The following HS2ST1 variants were observed in gnomAD, a reference collection of about 807,000 sequenced individuals.
The protein encoded by HS2ST1 is 2-O-sulfotransferase.
In HS2ST1, 18 loss-of-function variants were observed where a neutral mutation model predicts 42.9. The observed-to-expected ratio is 0.42, with a 90% confidence interval of 0.29 to 0.62. HS2ST1 has a LOEUF of 0.62. Ranked by LOEUF, HS2ST1 falls within the 20% of genes least tolerant of loss-of-function variation. The pLI, the probability that HS2ST1 is intolerant of heterozygous loss-of-function variation, is 0.21. For synonymous variants in HS2ST1, 146 were observed against 152.9 expected (o/e 0.95, Z 0.33); for missense variants, 334 against 433.8 (o/e 0.77, Z 2.04).
At chr1:87,022,487 A>AT (rs962933185) in intron 1 of HS2ST1, among the ~76,000 whole-genome samples, 4 of 152,208 alleles carry the variant, frequency 2.6e-5, no homozygotes, top group African/African-American at 9.6e-5. Flanking sequence ...GTGACACAAA[A>AT]TTTAAGACCC....
intron 2 of HS2ST1, among the ~76,000 whole-genome samples, chr1:87,081,670 AAAT>A (rs1421934198): frequency 6.6e-6 from 1 of 152,204 alleles, no homozygotes; most frequent in Non-Finnish European, 1.5e-5. Flanking sequence ...TGAATAGAAG[AAAT>A]AATGATGATC....
At position 87,021,583 on chromosome 1, in the gene HS2ST1, C is replaced by G. The variant is rs574897131; in HGVS notation, c.125-51351C>G. ...AGGGTGGAGTACAATGGCACAATCACTACTCACTACAACCTTGAGTTTCCG... is the reference window on the plus strand; with the variant it reads ...AGGGTGGAGTACAATGGCACAATCAGTACTCACTACAACCTTGAGTTTCCG... On this transcript the variant is annotated intron_variant, in intron 1 of 6. Transcript: ENST00000370550. Among the ~76,000 whole-genome samples the G allele has an allele frequency of 3.3e-5, 5 of 152,294 alleles. No homozygotes were observed. The East Asian group carries it at 9.7e-4, about 29-fold the overall frequency.
chr1:86,938,342 T>C (rs1346508653), intron 1 of HS2ST1, among the ~76,000 whole-genome samples: 1 of 152,156 alleles, frequency 6.6e-6, no homozygotes, highest in Non-Finnish European at 1.5e-5. Context: ...TTTCTAGACT[T>C]GATTAAAGTA....
At chr1:87,038,748 T>C (rs1046698465) in intron 1 of HS2ST1, among the ~76,000 whole-genome samples, 3 of 152,120 alleles carry the variant, frequency 2.0e-5, no homozygotes, top group Non-Finnish European at 2.9e-5. Context: ...ATACGTGAAG[T>C]GATCTCTGAA....
At chr1:87,063,537 C>T (rs1651169719) in intron 1 of HS2ST1, among the ~76,000 whole-genome samples, 1 of 151,988 alleles carries the variant, frequency 6.6e-6, no homozygotes, top group South Asian at 2.1e-4. Context: ...AGGTTTCACT[C>T]TGTTGGCCAG....
chr1:86,955,840 TACG>T (rs1389331620), intron 1 of HS2ST1, among the ~76,000 whole-genome samples: 1 of 151,840 alleles, frequency 6.6e-6, no homozygotes, highest in Non-Finnish European at 1.5e-5. Flanking sequence ...CAATAAATTA[TACG>T]TGCATGGGTG....
intron 1 of HS2ST1, among the ~76,000 whole-genome samples, chr1:86,960,008 G>C (rs995170150): frequency 6.6e-6 from 1 of 152,158 alleles, no homozygotes. Context: ...AACAAAGTCA[G>C]ACTGACACTA....
At chr1:87,075,094 C>G (rs1056430534) in intron 2 of HS2ST1, among the ~76,000 whole-genome samples, 1 of 149,174 alleles carries the variant, frequency 6.7e-6, no homozygotes, top group South Asian at 2.1e-4. Context: ...TGAACCCCAT[C>G]TGATATAACA....
intron 1 of HS2ST1, among the ~76,000 whole-genome samples, chr1:86,918,559 C>G (rs1032965518): frequency 2.0e-5 from 3 of 151,802 alleles, no homozygotes; most frequent in African/African-American, 7.3e-5. Flanking sequence ...AGGAAACATC[C>G]TTATGTGTCC....
At chr1:87,069,700 G>GA (rs1407488322) in intron 1 of HS2ST1, among the ~76,000 whole-genome samples, 1 of 152,006 alleles carries the variant, frequency 6.6e-6, no homozygotes, top group Non-Finnish European at 1.5e-5. Flanking sequence ...AAAAACACTT[G>GA]AAAAATAGAA....
intron 1 of HS2ST1, among the ~76,000 whole-genome samples, chr1:86,964,901 A>G (rs905250206): frequency 4.6e-5 from 7 of 152,136 alleles, no homozygotes; most frequent in Non-Finnish European, 1.0e-4. Flanking sequence ...GTGAAGACTG[A>G]TGATGTCCCG....
At chr1:86,916,231 G>A (rs1311224667) in intron 1 of HS2ST1, among the ~76,000 whole-genome samples, 1 of 152,162 alleles carries the variant, frequency 6.6e-6, no homozygotes, top group Non-Finnish European at 1.5e-5. Flanking sequence ...CAGCTCAAGA[G>A]GATGTAATTT....
rs146560561 is a variant in HS2ST1, at chr1:87,058,527, G to A, written c.125-14407G>A. Among the ~76,000 whole-genome samples the A allele has an allele frequency of 1.7e-3, 260 of 151,340 alleles. 13 individuals carry two copies. Among genetic ancestry groups the A allele is most frequent in the African/African-American group, 5.9e-3 (241 of 40,862 alleles). On this transcript the variant is annotated intron_variant, in intron 1 of 6. Coordinates refer to ENST00000370550, the MANE Select transcript of HS2ST1 (RefSeq NM_012262.4). ...TCTGGAGTACTCTAGCTTTTAACGTGTGCCTGAAATGACACATAATAGCCC... is the reference window on the plus strand; with the variant it reads ...TCTGGAGTACTCTAGCTTTTAACGTATGCCTGAAATGACACATAATAGCCC...
chr1:87,034,211 AATT>A (rs1557522348), intron 1 of HS2ST1, among the ~76,000 whole-genome samples: 2 of 152,214 alleles, frequency 1.3e-5, no homozygotes, highest in Non-Finnish European at 2.9e-5. Flanking sequence ...GGTCACAGTA[AATT>A]ATTATTTCAT....
chr1:86,962,145 C>T (rs565155826), intron 1 of HS2ST1, among the ~76,000 whole-genome samples: 12 of 152,116 alleles, frequency 7.9e-5, no homozygotes, highest in African/African-American at 2.7e-4. Context: ...TTGTTGGGAC[C>T]GTGTGCATTA....
chr1:86,990,651 CT>C lies in HS2ST1; in HGVS notation c.124+75500del, dbSNP rs904711559. ...ATAATTATTGGATCCTGTCCAGTTTCTTTTTTTTTGAAACGGAGTTTTGCTC... is the reference window on the plus strand; with the variant it reads ...ATAATTATTGGATCCTGTCCAGTTTCTTTTTTTTGAAACGGAGTTTTGCTC... On this transcript the variant is annotated intron_variant, in intron 1 of 6. Coordinates refer to ENST00000370550, the MANE Select transcript of HS2ST1 (RefSeq NM_012262.4). Among the ~76,000 whole-genome samples the C allele has an allele frequency of 1.3e-3, 187 of 148,410 alleles. 2 individuals are homozygous for C. The highest frequency in any genetic ancestry group is 0.01 in the Admixed American group (154 of 14,722).
At chr1:87,076,679 G>A (rs1651551975) in intron 2 of HS2ST1, among the ~76,000 whole-genome samples, 1 of 152,132 alleles carries the variant, frequency 6.6e-6, no homozygotes, top group African/African-American at 2.4e-5. Context: ...GCAAGAGATA[G>A]GTAATCAATC....
At chr1:86,952,963 A>T (rs1041977568) in intron 1 of HS2ST1, among the ~76,000 whole-genome samples, 2 of 152,162 alleles carry the variant, frequency 1.3e-5, no homozygotes, top group African/African-American at 4.8e-5. Flanking sequence ...CTCTATAGCT[A>T]TGAAAGTCCT....
At chr1:86,941,613 A>G (rs1660764958) in intron 1 of HS2ST1, among the ~76,000 whole-genome samples, 6 of 152,056 alleles carry the variant, frequency 3.9e-5, no homozygotes, top group Admixed American at 2.0e-4. Flanking sequence ...CTCTACTGAA[A>G]ATACAAAAAA....
Sources: gnomAD v4.1 joint callset for allele counts (sites outside exome capture counted in the v4.1 genomes callset) on GRCh38, gnomAD v4.1.1 for gene constraint, MANE v1.5 for transcripts, NCBI Gene and HGNC (gene_info 2026-07-23, HGNC 2026-07-21) for gene names.